Variants in KSR2 observed in about 807,000 individuals in gnomAD.
KSR2 encodes kinase suppressor of ras 2.
In KSR2, 25 loss-of-function variants were observed where a neutral mutation model predicts 107.8. The ratio of observed to expected loss-of-function variants is 0.23; its 90% CI spans 0.17 to 0.32. KSR2 has a LOEUF of 0.32. KSR2 is among the 10% of genes least tolerant of loss of function. The pLI, the probability that KSR2 is intolerant of heterozygous loss-of-function variation, is 1.00. For synonymous variants in KSR2, 480 were observed against 507.0 expected, an observed-to-expected ratio of 0.95 and a Z score of 0.71; for missense variants, 887 against 1,268.9, an observed-to-expected ratio of 0.70 and a Z score of 4.57.
chr12:117,585,875 T>C (rs1879957391), intron 5 of KSR2, among the ~76,000 whole-genome samples: 1 of 152,228 alleles, frequency 6.6e-6, no homozygotes, highest in Non-Finnish European at 1.5e-5. Context: ...AGTAGAATAA[T>C]AGACATTTCT....
intron 4 of KSR2, among the ~76,000 whole-genome samples, chr12:117,717,666 GGTGTGTGTGTGTGT>G (rs55910019): frequency 0.18 from 25,726 of 144,296 alleles, 2,431 homozygotes; most frequent in African/African-American, 0.23. Context: ...GGGGCAGACA[GGTGTGTGTGTGTGT>G]GTGTGTGTGT....
intron 3 of KSR2, among the ~76,000 whole-genome samples, chr12:117,854,443 C>T (rs1220104003): frequency 1.3e-5 from 2 of 152,242 alleles, no homozygotes. Flanking sequence ...GCCTTCTCAG[C>T]CCTGCTGGCA....
chr12:117,726,449 T>TG (rs1480186205), intron 4 of KSR2, among the ~76,000 whole-genome samples: 3 of 152,198 alleles, frequency 2.0e-5, no homozygotes, highest in Non-Finnish European at 2.9e-5. Flanking sequence ...TCAGCACTGT[T>TG]GATCTTTCCA....
At chr12:117,841,045 A>G (rs528472214) in intron 3 of KSR2, among the ~76,000 whole-genome samples, 1 of 152,186 alleles carries the variant, frequency 6.6e-6, no homozygotes, top group South Asian at 2.1e-4. Flanking sequence ...GTGGATGCAA[A>G]TTATGGTCAA....
chr12:117,525,753 T>C (rs908290739), intron 13 of KSR2, among the ~76,000 whole-genome samples: 2 of 152,228 alleles, frequency 1.3e-5, no homozygotes, highest in Non-Finnish European at 2.9e-5. Flanking sequence ...ACATGACAAC[T>C]GCCAACATGG....
chr12:117,927,738 T>C (rs1225238845), intron 1 of KSR2, among the ~76,000 whole-genome samples: 3 of 152,020 alleles, frequency 2.0e-5, no homozygotes, highest in African/African-American at 4.8e-5. Context: ...AGGCACCCAC[T>C]AAAAGCTGGT....
chr12:117,878,032 T>A (rs374786496), intron 1 of KSR2, among the ~76,000 whole-genome samples: 1 of 151,650 alleles, frequency 6.6e-6, no homozygotes. Context: ...AATGAATGAG[T>A]CTTGAGGGGC....
chr12:117,734,610 T>G (rs917941914), intron 4 of KSR2, among the ~76,000 whole-genome samples: 6 of 152,212 alleles, frequency 3.9e-5, no homozygotes, highest in Non-Finnish European at 7.3e-5. Flanking sequence ...TTCAGTCTGC[T>G]GACTTATCAT....
intron 1 of KSR2, among the ~76,000 whole-genome samples, chr12:117,935,081 A>G (rs1218306592): frequency 6.6e-6 from 1 of 151,340 alleles, no homozygotes; most frequent in Non-Finnish European, 1.5e-5. Context: ...TCCTGCTTCA[A>G]CCTCCCAAAG....
At chr12:117,847,121 T>C (rs1892733496) in intron 3 of KSR2, among the ~76,000 whole-genome samples, 1 of 152,200 alleles carries the variant, frequency 6.6e-6, no homozygotes, top group African/African-American at 2.4e-5. Flanking sequence ...AAGACATCAG[T>C]GTCAACACCA....
intron 4 of KSR2, among the ~76,000 whole-genome samples, chr12:117,739,759 C>T (rs374468916): frequency 6.6e-6 from 1 of 152,024 alleles, no homozygotes; most frequent in Non-Finnish European, 1.5e-5. Context: ...TTGCTAGAGA[C>T]AGGATGAGGT....
At chr12:117,617,542 C>A (rs975995000) in intron 5 of KSR2, among the ~76,000 whole-genome samples, 1 of 152,094 alleles carries the variant, frequency 6.6e-6, no homozygotes, top group African/African-American at 2.4e-5. Context: ...ATAAATACAA[C>A]AACATGGATG....
intron 4 of KSR2, among the ~76,000 whole-genome samples, chr12:117,732,290 T>G (rs1887758432): frequency 6.7e-6 from 1 of 150,200 alleles, no homozygotes; most frequent in South Asian, 2.1e-4. Flanking sequence ...TCCTGAATTT[T>G]TTTCTTTTTT....
intron 9 of KSR2, among the ~76,000 whole-genome samples, chr12:117,548,053 C>T (rs565007396): frequency 4.7e-4 from 71 of 151,940 alleles, no homozygotes; most frequent in African/African-American, 1.6e-3. Context: ...GCTGAGATTG[C>T]GCCACTGCAT....
intron 5 of KSR2, among the ~76,000 whole-genome samples, chr12:117,662,061 G>A (rs377666678): frequency 3.3e-5 from 5 of 152,284 alleles, no homozygotes; most frequent in South Asian, 2.1e-4. Context: ...GCCAGGCAAC[G>A]TGGAACCTCC....
At chr12:117,686,336 G>T (rs1885574556) in intron 4 of KSR2, among the ~76,000 whole-genome samples, 1 of 149,498 alleles carries the variant, frequency 6.7e-6, no homozygotes, top group Non-Finnish European at 1.5e-5. Flanking sequence ...AAAGGGCTGG[G>T]ATTACAGACA....
At chr12:117,778,343 G>A (rs1307239678) in intron 3 of KSR2, among the ~76,000 whole-genome samples, 4 of 152,044 alleles carry the variant, frequency 2.6e-5, no homozygotes, top group Admixed American at 1.3e-4. Flanking sequence ...TGCCCGCCTC[G>A]GCCTCTCATA....
chr12:117,742,325 T>G (rs1282016230), intron 4 of KSR2, among the ~76,000 whole-genome samples: 1 of 152,210 alleles, frequency 6.6e-6, no homozygotes, highest in Admixed American at 6.5e-5. Context: ...GGAGATTAGA[T>G]CACAGTCTTT....
At chr12:117,744,290 G>A (rs1298691757) in intron 4 of KSR2, among the ~76,000 whole-genome samples, 4 of 152,100 alleles carry the variant, frequency 2.6e-5, no homozygotes, top group African/African-American at 9.7e-5. Flanking sequence ...AAAATACATG[G>A]AGTAACAGGC....
Sources: allele counts gnomAD v4.1 joint callset (sites outside exome capture counted in the v4.1 genomes callset), GRCh38; gene constraint gnomAD v4.1.1; transcripts MANE v1.5; gene names NCBI Gene and HGNC (gene_info 2026-07-23, HGNC 2026-07-21).